The following CTNND2 variants were observed in gnomAD, a reference collection of about 807,000 sequenced individuals.
CTNND2 encodes the protein catenin delta 2.
A neutral mutation model predicts 144.4 loss-of-function variants in CTNND2; 22 were observed. The ratio of observed to expected loss-of-function variants is 0.15; its 90% CI spans 0.11 to 0.22. The LOEUF (loss-of-function observed/expected upper bound fraction) is 0.22, where lower values mean the gene tolerates loss of function less well. Ranked by LOEUF, CTNND2 falls within the 10% of genes least tolerant of loss-of-function variation. CTNND2 has a pLI of 1.00. For missense variants in CTNND2, 1,353 were observed against 1,618.8 expected, an observed-to-expected ratio of 0.84 and a Z score of 2.82; for synonymous variants, 751 against 695.6, an observed-to-expected ratio of 1.08 and a Z score of -1.25.
chr5:11,163,955 G>A (rs1288069457), intron 11 of CTNND2, among the ~76,000 whole-genome samples: 1 of 152,110 alleles, frequency 6.6e-6, no homozygotes, highest in Non-Finnish European at 1.5e-5. Flanking sequence ...TTATAGGTTT[G>A]TGTTTGGAGG....
At position 11,565,014 on chromosome 5, in the gene CTNND2, G is replaced by C; in HGVS notation, c.217C>G (p.Arg73Gly). 6.2e-7 allele frequency: 1 copy of C among 1,614,060 alleles called. No homozygotes were observed. Among genetic ancestry groups the C allele is most frequent in the Non-Finnish European group, 8.5e-7 (1 of 1,179,950 alleles). ...TCCAGCTGGCTGGCTACGATCTGCC[G>C]TTCAGCCTCCAGCTCTCGGGTCAGC... ...ERLTRELEAERQIVASQLERC... is the reference protein window; with the variant it reads ...ERLTRELEAEGQIVASQLERC... The change falls in exon 3 of 22, where the codon CGG becomes GGG. Residue 73 changes from arginine (R) to glycine (G), a missense_variant. By Grantham distance (125) the Arg-to-Gly change is moderately radical. Coordinates refer to ENST00000304623, the MANE Select transcript of CTNND2 (RefSeq NM_001332.4).
At chr5:11,822,480 G>A (rs893158209) in intron 1 of CTNND2, among the ~76,000 whole-genome samples, 1 of 152,070 alleles carries the variant, frequency 6.6e-6, no homozygotes, top group Non-Finnish European at 1.5e-5. Flanking sequence ...CTTTATTGTG[G>A]TAGGCAGTCT....
chr5:11,868,495 A>T (rs1795880781), intron 1 of CTNND2, among the ~76,000 whole-genome samples: 1 of 152,166 alleles, frequency 6.6e-6, no homozygotes, highest in Non-Finnish European at 1.5e-5. Context: ...ATCCAACTCA[A>T]CAAGAAGAAG....
At chr5:11,684,434 T>C (rs10070130) in intron 2 of CTNND2, among the ~76,000 whole-genome samples, 19,150 of 152,176 alleles carry the variant, frequency 0.13, 1,297 homozygotes, top group African/African-American at 0.17. Flanking sequence ...AGAAATAGTG[T>C]AAATATTTAA....
intron 2 of CTNND2, among the ~76,000 whole-genome samples, chr5:11,575,144 T>A (rs1777880397): frequency 6.6e-6 from 1 of 152,178 alleles, no homozygotes; most frequent in African/African-American, 2.4e-5. Flanking sequence ...CTTTCCTGAA[T>A]TCTGTTATTT....
intron 9 of CTNND2, among the ~76,000 whole-genome samples, chr5:11,326,415 C>T (rs977116833): frequency 1.3e-5 from 2 of 152,134 alleles, no homozygotes; most frequent in African/African-American, 4.8e-5. Context: ...AAAAGAGAGT[C>T]AGGGAAGGGC....
At position 11,523,793 on chromosome 5, in the gene CTNND2, T is replaced by G. The variant is rs549236877; in HGVS notation, c.287+41151A>C. Among the ~76,000 whole-genome samples, 366 of 152,236 alleles carry G rather than the reference T, an allele frequency of 2.4e-3. 2 individuals carry two copies. The highest frequency in any genetic ancestry group is 8.4e-3 in the African/African-American group (349 of 41,546). On this transcript the variant is annotated intron_variant, in intron 3 of 21. Transcript: ENST00000304623. ...GAAACTCTGCCCCCTTCTCAGCCAGTCCTACTCACTGGTGCCCTTGACCAC... is the reference window on the plus strand; with the variant it reads ...GAAACTCTGCCCCCTTCTCAGCCAGGCCTACTCACTGGTGCCCTTGACCAC...
intron 3 of CTNND2, among the ~76,000 whole-genome samples, chr5:11,515,690 A>G (rs527385772): frequency 6.6e-6 from 1 of 152,308 alleles, no homozygotes; most frequent in South Asian, 2.1e-4. Flanking sequence ...TAGGCTTTAA[A>G]ATATCACTCA....
chr5:11,607,470 A>T (rs892314348), intron 2 of CTNND2, among the ~76,000 whole-genome samples: 5 of 152,250 alleles, frequency 3.3e-5, no homozygotes, highest in African/African-American at 1.2e-4. Context: ...AACAGTAATC[A>T]TATAGTTTTG....
intron 1 of CTNND2, among the ~76,000 whole-genome samples, chr5:11,798,259 C>CA (rs78238644): frequency 0.047 from 2,805 of 59,998 alleles, 53 homozygotes; most frequent in African/African-American, 0.078. Flanking sequence ...GAGACTGTTT[C>CA]AAAAAAAAAA....
In CTNND2 at chr5:11,527,182, A is replaced by G. The variant is rs186993426; in HGVS notation, c.287+37762T>C. On this transcript the variant is annotated intron_variant, in intron 3 of 21. Transcript: ENST00000304623. ...CACTATTGTAAATATACTTAATAAC[A>G]CTGAATTTTATACTTAAAAATTATT... 1.3e-3 allele frequency among the ~76,000 whole-genome samples: 202 copies of G among 152,284 alleles called. 1 individual carries two copies. The Middle Eastern group carries it at 0.014, about 10-fold the overall frequency.
intron 3 of CTNND2, among the ~76,000 whole-genome samples, chr5:11,466,356 G>A (rs745397114): frequency 5.3e-5 from 8 of 152,018 alleles, no homozygotes; most frequent in East Asian, 3.9e-4. Context: ...ACTAATCTCC[G>A]CTGAGTTCTA....
intron 9 of CTNND2, among the ~76,000 whole-genome samples, chr5:11,313,019 A>T (rs1245038911): frequency 6.6e-6 from 1 of 152,166 alleles, no homozygotes; most frequent in Non-Finnish European, 1.5e-5. Flanking sequence ...GCAGGTCAGA[A>T]TCTGAACATT....
intron 2 of CTNND2, among the ~76,000 whole-genome samples, chr5:11,718,516 G>A (rs1786480743): frequency 6.6e-6 from 1 of 152,048 alleles, no homozygotes; most frequent in Admixed American, 6.6e-5. Flanking sequence ...ATCAGACATT[G>A]GCAGGTGCTG....
At chr5:11,398,046 G>A (rs1760300525) in intron 5 of CTNND2, among the ~76,000 whole-genome samples, 1 of 152,078 alleles carries the variant, frequency 6.6e-6, no homozygotes, top group African/African-American at 2.4e-5. Context: ...GAGAGTAAAT[G>A]TACTTGTTAT....
intron 1 of CTNND2, among the ~76,000 whole-genome samples, chr5:11,877,038 G>T (rs934696753): frequency 5.9e-5 from 9 of 152,062 alleles, no homozygotes; most frequent in Non-Finnish European, 1.2e-4. Context: ...TTATAGCAAT[G>T]ACTGAGGTTA....
intron 12 of CTNND2, among the ~76,000 whole-genome samples, chr5:11,125,424 C>A (rs113715589): frequency 1.3e-5 from 2 of 152,248 alleles, no homozygotes; most frequent in African/African-American, 2.4e-5. Context: ...CACATAGCTG[C>A]GCTACTTAGC....
intron 8 of CTNND2, among the ~76,000 whole-genome samples, chr5:11,355,190 A>G (rs922221078): frequency 6.6e-6 from 1 of 152,120 alleles, no homozygotes; most frequent in African/African-American, 2.4e-5. Context: ...AGGAACTACA[A>G]AAACAAAAAC....
chr5:11,195,085 A>G (rs931869802), intron 11 of CTNND2, among the ~76,000 whole-genome samples: 5 of 152,240 alleles, frequency 3.3e-5, no homozygotes, highest in African/African-American at 1.2e-4. Flanking sequence ...AATGGAGACA[A>G]AAGAATTATT....
Sources: allele counts gnomAD v4.1 joint callset (sites outside exome capture counted in the v4.1 genomes callset), GRCh38; gene constraint gnomAD v4.1.1; transcripts MANE v1.5; gene names NCBI Gene and HGNC (gene_info 2026-07-23, HGNC 2026-07-21).